Variants in CIBAR1 observed in about 807,000 individuals in gnomAD.
CIBAR1 encodes the protein CBY1 interacting BAR domain containing 1, also known as CBY1-interacting BAR domain-containing protein 1.
A neutral mutation model predicts 44.0 loss-of-function variants in CIBAR1; 25 were observed. That is an observed-to-expected ratio of 0.57 (90% confidence interval 0.41 to 0.79). CIBAR1 has a LOEUF of 0.79. Ranked by LOEUF, CIBAR1 falls within the 30% of genes least tolerant of loss-of-function variation. The pLI, the probability that CIBAR1 is intolerant of heterozygous loss-of-function variation, is 0.00. For missense variants in CIBAR1, 278 were observed against 344.8 expected (o/e 0.81, Z 1.53); for synonymous variants, 115 against 119.0 (o/e 0.97, Z 0.22).
chr8:93,730,293 GCTCT>G lies in CIBAR1; in HGVS notation c.*1997_*2000del, dbSNP rs1811737809. 6.6e-6 allele frequency: 1 copy of G among 152,182 alleles called. No individual in the cohort carries two copies. The allele number at this position is 152,182 out of a possible 1,614,324, so 9.4% of individuals were successfully genotyped here. On this transcript the variant is annotated 3_prime_UTR_variant, in exon 9 of 9. Transcript: ENST00000518322. Reference sequence around the variant, plus strand: ...GGTGATATATGGATCAAGAATCACTGCTCTTAACAGTGATCTCAGTAAATTAATA... The same window carrying G: ...GGTGATATATGGATCAAGAATCACTGTAACAGTGATCTCAGTAAATTAATA...
Position 93,726,429 on chromosome 8 carries a change from A to G in CIBAR1, c.693A>G (p.Ser231=). The part of the protein sequence containing the change: ...FRNSLYAPDY[S]SRLDIVRANS... ...ATTCTCTGTATGCACCAGATTATTC[A>G]TCTCGTTTAGATATTGTAAGAGCAA... Residue 231 remains serine, a synonymous_variant, in exon 8 of 9, where the codon TCA becomes TCG. Coordinates refer to ENST00000518322, the MANE Select transcript of CIBAR1 (RefSeq NM_145269.5). 1 of 1,613,554 alleles carries G rather than the reference A, an allele frequency of 6.2e-7. No individual in the cohort carries two copies. Among genetic ancestry groups the G allele is most frequent in the East Asian group, 2.2e-5 (1 of 44,826 alleles).
intron 6 of CIBAR1, chr8:93,715,580 A>T (rs1386390180): frequency 6.6e-6 from 1 of 152,166 alleles, no homozygotes; most frequent in Non-Finnish European, 1.5e-5. Flanking sequence ...GTACCATTCT[A>T]AGCATTTTGC....
At chr8:93,709,745 T>C (rs547948762) in intron 5 of CIBAR1, 26 bp from the exon 6 acceptor site, 3 of 1,590,402 alleles carry the variant, frequency 1.9e-6, no homozygotes, top group South Asian at 1.1e-5. Flanking sequence ...TTTTTTTATA[T>C]CCTTGGTTGG....
intron 6 of CIBAR1, among the ~76,000 whole-genome samples, chr8:93,717,955 G>A (rs1216624367): frequency 6.6e-6 from 1 of 152,124 alleles, no homozygotes; most frequent in Non-Finnish European, 1.5e-5. Flanking sequence ...TTTCCATCAT[G>A]CTTATAGAGG....
At chr8:93,711,211 C>T (rs1810810954) in intron 6 of CIBAR1, among the ~76,000 whole-genome samples, 1 of 152,156 alleles carries the variant, frequency 6.6e-6, no homozygotes. Context: ...GACTAAAACT[C>T]ATCTAAGGCT....
At chr8:93,711,045 T>G (rs1040826253) in intron 6 of CIBAR1, among the ~76,000 whole-genome samples, 1 of 152,220 alleles carries the variant, frequency 6.6e-6, no homozygotes, top group Non-Finnish European at 1.5e-5. Flanking sequence ...AATTTGCATC[T>G]ACTATGATAT....
At chr8:93,727,149 A>G (rs975314985) in intron 8 of CIBAR1, 23 of 1,282,166 alleles carry the variant, frequency 1.8e-5, no homozygotes, top group Non-Finnish European at 2.2e-5. Flanking sequence ...CTGGGCCGCA[A>G]CTTGCCAAAC....
rs751751398 is a variant in CIBAR1, at chr8:93,705,022, A to G, written c.432+12A>G. 1.3e-6 allele frequency: 2 copies of G among 1,591,820 alleles called. No individual in the cohort carries two copies. The highest frequency in any genetic ancestry group is 1.7e-6 in the Non-Finnish European group (2 of 1,160,966). ...ATCGACATGTTATTGTATCCTTTGA[A>G]TTTGGGTCTTTAAAAAAATGTTTAA... On this transcript the variant is annotated intron_variant, in intron 4 of 8. Coordinates refer to ENST00000518322, the MANE Select transcript of CIBAR1 (RefSeq NM_145269.5).
At chr8:93,705,490 T>C (rs1171323643) in intron 4 of CIBAR1, 1 of 154,658 alleles carries the variant, frequency 6.5e-6, no homozygotes, top group African/African-American at 2.4e-5. Context: ...AAGAGTATAA[T>C]TAAGATCCAA....
Position 93,726,401 on chromosome 8 carries a change from G to A in CIBAR1, c.665G>A (p.Arg222Gln), listed in dbSNP as rs36117362. 177,144 of 1,610,312 alleles carry A rather than the reference G, an allele frequency of 0.11. 10,792 individuals carry two copies. Among genetic ancestry groups the A allele is most frequent in the Non-Finnish European group, 0.12 (143,372 of 1,177,318 alleles). ...IDEDEDLEVF[R>Q]NSLYAPDYSS... ...ATTTTATCATTACAATAGGTTTTCC[G>A]AAATTCTCTGTATGCACCAGATTAT... Residue 222 changes from arginine (R) to glutamine (Q), a missense_variant, in exon 8 of 9, where the codon CGA becomes CAA. Around this residue, in one of 3 missense-constraint regions of CIBAR1, gnomAD observed 93 missense variants for 108.9 expected, o/e 0.85. Transcript: ENST00000518322.
intron 4 of CIBAR1, 37 bp downstream of exon 4, chr8:93,705,047 A>C (rs754741709): frequency 7.2e-7 from 1 of 1,385,244 alleles, no homozygotes; most frequent in South Asian, 1.2e-5. Context: ...AAAATGTTTA[A>C]GGTATGGAGT....
In CIBAR1 at chr8:93,704,898, C is replaced by A; in HGVS notation, c.331-11C>A. On this transcript the variant is annotated splice_polypyrimidine_tract_variant and intron_variant, in intron 3 of 8. Transcript: ENST00000518322. ...AGACATTTTTACTAACAAAAAAATG[C>A]CAATTTGCAGGATGACCTCAAAGCA... 1 of 1,532,422 alleles carries A rather than the reference C, an allele frequency of 6.5e-7. No individual in the cohort carries two copies. The highest frequency in any genetic ancestry group is 8.8e-7 in the Non-Finnish European group (1 of 1,136,330). The allele number at this position is 1,532,422 out of a possible 1,614,324, so 94.9% of individuals were successfully genotyped here. A position where few individuals can be genotyped will look rare whatever the true frequency, so the allele number is the denominator to read the frequency against.
chr8:93,707,710 T>C (rs942733337), intron 4 of CIBAR1, among the ~76,000 whole-genome samples: 1 of 152,202 alleles, frequency 6.6e-6, no homozygotes, highest in African/African-American at 2.4e-5. Flanking sequence ...CAGAGAAATG[T>C]TTTTGATTCC....
At chr8:93,709,947 T>G in intron 6 of CIBAR1, 72 bp downstream of exon 6, 2 of 1,195,774 alleles carry the variant, frequency 1.7e-6, no homozygotes, top group Non-Finnish European at 2.4e-6. Context: ...AAATTTAAAT[T>G]ACTCTAAATT....
At chr8:93,701,036 C>T in intron 1 of CIBAR1, 188 bp from the exon 2 acceptor site, 2 of 1,445,320 alleles carry the variant, frequency 1.4e-6, no homozygotes, top group Non-Finnish European at 1.8e-6. Context: ...TTTTCCTGTG[C>T]CTACACAGTC....
At position 93,726,415 on chromosome 8, in the gene CIBAR1, G is replaced by A; in HGVS notation, c.679G>A (p.Ala227Thr). The A allele has an allele frequency of 6.2e-7, 1 of 1,612,102 alleles. No homozygotes were observed. The highest frequency in any genetic ancestry group is 1.1e-5 in the South Asian group (1 of 91,008). Residue 227 changes from alanine (A) to threonine (T), a missense_variant, in exon 8 of 9, where the codon GCA becomes ACA. Ala to Thr is a moderately conservative substitution (Grantham distance 58, BLOSUM62 0). Around this residue, in one of 3 missense-constraint regions of CIBAR1, gnomAD observed 93 missense variants for 108.9 expected, o/e 0.85. Transcript: ENST00000518322. Reference sequence around the variant, plus strand: ...ATAGGTTTTCCGAAATTCTCTGTATGCACCAGATTATTCATCTCGTTTAGA... The same window carrying A: ...ATAGGTTTTCCGAAATTCTCTGTATACACCAGATTATTCATCTCGTTTAGA... ...DLEVFRNSLYAPDYSSRLDIV... is the reference protein window; with the variant it reads ...DLEVFRNSLYTPDYSSRLDIV...
chr8:93,717,812 T>C (rs1467758304), intron 6 of CIBAR1, among the ~76,000 whole-genome samples: 1 of 152,222 alleles, frequency 6.6e-6, no homozygotes, highest in African/African-American at 2.4e-5. Context: ...ATTAACAAAA[T>C]GATAAGATCA....
chr8:93,709,758 A>G lies in CIBAR1; in HGVS notation c.439-13A>G. On this transcript the variant is annotated splice_polypyrimidine_tract_variant and intron_variant, in intron 5 of 8. Coordinates refer to ENST00000518322, the MANE Select transcript of CIBAR1 (RefSeq NM_145269.5). ...ATTTTTTTTATATCCTTGGTTGGGG[A>G]ATACTTTTGTAGGCAGAAACGGAAT... The G allele has an allele frequency of 6.2e-7, 1 of 1,608,084 alleles. No individual in the cohort carries two copies. Among genetic ancestry groups the G allele is most frequent in the Non-Finnish European group, 8.5e-7 (1 of 1,175,640 alleles).
chr8:93,713,121 C>T (rs188932025), intron 6 of CIBAR1, among the ~76,000 whole-genome samples: 75 of 151,700 alleles, frequency 4.9e-4, no homozygotes, highest in African/African-American at 1.7e-3. Context: ...CAACCTCCAC[C>T]TCCCAGGTTC....
Sources: gnomAD v4.1 joint callset for allele counts (sites outside exome capture counted in the v4.1 genomes callset) on GRCh38, gnomAD v4.1.1 for gene constraint, gnomAD v4.1.1 regional missense constraint, MANE v1.5 for transcripts, NCBI Gene and HGNC (gene_info 2026-07-23, HGNC 2026-07-21) for gene names.